ARFGEF1: variants seen among roughly 807,000 people sequenced by gnomAD.
ARFGEF1 encodes the protein ARF guanine nucleotide exchange factor 1, also known as brefeldin A-inhibited guanine nucleotide-exchange protein 1.
Under a neutral mutation model 231.0 loss-of-function variants are expected in ARFGEF1, and 42 were observed. That is an observed-to-expected ratio of 0.18 (90% confidence interval 0.14 to 0.24). The LOEUF (loss-of-function observed/expected upper bound fraction) is 0.24, where lower values mean the gene tolerates loss of function less well. Among genes scored for constraint, ARFGEF1 ranks in the 10% least tolerant of loss-of-function variants. The probability of loss-of-function intolerance (pLI) is 1.00; values close to 1 mark genes in which losing one functional copy is unlikely to be tolerated. For synonymous variants in ARFGEF1, 710 were observed against 732.3 expected (o/e 0.97, Z 0.49); for missense variants, 1,345 against 2,192.0 (o/e 0.61, Z 7.72).
chr8:67,273,821 C>T (rs1241312224), intron 9 of ARFGEF1, among the ~76,000 whole-genome samples: 1 of 152,078 alleles, frequency 6.6e-6, no homozygotes, highest in Non-Finnish European at 1.5e-5. Flanking sequence ...TACAAATTAA[C>T]CCACCACCTC....
intron 1 of ARFGEF1, among the ~76,000 whole-genome samples, chr8:67,320,509 T>G (rs2128927212): frequency 6.6e-6 from 1 of 152,336 alleles, no homozygotes. Context: ...CCTGGGTATC[T>G]ACCCTAGACA....
chr8:67,190,956 A>G (rs906708770), intron 5 of ARFGEF1, among the ~76,000 whole-genome samples: 8 of 152,166 alleles, frequency 5.3e-5, no homozygotes, highest in East Asian at 1.9e-4. Context: ...CCAGATAATA[A>G]TAGTATTTTC....
chr8:67,300,536 TGGC>T (rs1189787340), intron 3 of ARFGEF1, among the ~76,000 whole-genome samples: 1 of 151,802 alleles, frequency 6.6e-6, no homozygotes, highest in African/African-American at 2.4e-5. Context: ...AAACAGACAC[TGGC>T]CAGGCACAGT....
intron 1 of ARFGEF1, among the ~76,000 whole-genome samples, chr8:67,318,990 T>A (rs1259077453): frequency 6.6e-6 from 1 of 151,934 alleles, no homozygotes; most frequent in Non-Finnish European, 1.5e-5. Context: ...CAAAAAAAAA[T>A]TCACAATAGC....
chr8:67,336,520 T>G (rs1162624143), intron 1 of ARFGEF1, among the ~76,000 whole-genome samples: 1 of 152,226 alleles, frequency 6.6e-6, no homozygotes, highest in East Asian at 1.9e-4. Flanking sequence ...AGCAGAGCTA[T>G]GCTACATCCA....
intron 36 of ARFGEF1, 63 bp downstream of exon 36, chr8:67,203,020 C>T (rs1175067393): frequency 1.3e-6 from 2 of 1,512,628 alleles, no homozygotes; most frequent in Admixed American, 1.9e-5. Flanking sequence ...GTTCTGAGAC[C>T]TGTATGTACC....
intron 3 of ARFGEF1, 122 bp downstream of exon 3, chr8:67,301,101 AT>A (rs759900021): frequency 1.0e-6 from 1 of 974,270 alleles, no homozygotes; most frequent in African/African-American, 1.7e-5. Context: ...AATCACTTGG[AT>A]TTTTTACCAC....
In ARFGEF1 at chr8:67,192,062, ATTTGTTTTTTTT is replaced by A. The variant is rs374591060; in HGVS notation, c.560+8322_560+8333del. On this transcript the variant is annotated intron_variant, in intron 5 of 5. Coordinates refer to the ARFGEF1 transcript ENST00000518789. ...ATATGTCTATTCAAATCCTTTGCTG[ATTTGTTTTTTTT>A]TTTGTTTTTTTTTTTTGATACAGAG... 9.4e-3 allele frequency among the ~76,000 whole-genome samples: 1,267 copies of A among 134,934 alleles called. 13 individuals carry two copies. Among genetic ancestry groups the A allele is most frequent in the African/African-American group, 0.033 (1,186 of 35,514 alleles). 88.5% of individuals were successfully genotyped at this position (134,934 alleles called of 152,430 possible).
chr8:67,277,503 C>A, intron 7 of ARFGEF1, 46 bp from the exon 8 acceptor site: 1 of 1,546,634 alleles, frequency 6.5e-7, no homozygotes, highest in South Asian at 1.2e-5. Flanking sequence ...CTGACTTAAC[C>A]GAAGTGTATT....
At chr8:67,259,732 T>C (rs573064803) in intron 15 of ARFGEF1, 83 bp downstream of exon 15, 27 of 935,680 alleles carry the variant, frequency 2.9e-5, no homozygotes, top group Middle Eastern at 5.9e-4. Context: ...CTGGGCAATA[T>C]AGCGAGACCC....
chr8:67,201,215 T>C (rs1490722140), intron 37 of ARFGEF1, among the ~76,000 whole-genome samples: 2 of 152,244 alleles, frequency 1.3e-5, no homozygotes, highest in African/African-American at 2.4e-5. Context: ...TAAAAAGGCC[T>C]ATAAATGATA....
At chr8:67,282,572 G>A (rs1342756061) in intron 7 of ARFGEF1, among the ~76,000 whole-genome samples, 1 of 152,028 alleles carries the variant, frequency 6.6e-6, no homozygotes, top group South Asian at 2.1e-4. Context: ...TATAGGCCAG[G>A]CGCGGTGGCT....
At chr8:67,315,260 A>T (rs1296320350) in intron 1 of ARFGEF1, among the ~76,000 whole-genome samples, 1 of 152,202 alleles carries the variant, frequency 6.6e-6, no homozygotes, top group Non-Finnish European at 1.5e-5. Flanking sequence ...ATAACATGAA[A>T]TTGAAATGGA....
At chr8:67,190,167 C>T (rs570965595) in intron 5 of ARFGEF1, among the ~76,000 whole-genome samples, 1 of 152,300 alleles carries the variant, frequency 6.6e-6, no homozygotes, top group Admixed American at 6.5e-5. Context: ...TTGCTAGCAG[C>T]TAGCAAATGT....
intron 38 of ARFGEF1, chr8:67,199,838 TAG>T (rs1385653314): frequency 1.2e-5 from 2 of 172,472 alleles, no homozygotes; most frequent in East Asian, 1.4e-4. Context: ...TTTCTAAGAA[TAG>T]AGTGTACATT....
chr8:67,274,024 TA>T (rs1173599111), intron 9 of ARFGEF1, among the ~76,000 whole-genome samples: 2 of 152,052 alleles, frequency 1.3e-5, no homozygotes, highest in African/African-American at 4.8e-5. Flanking sequence ...CTGTACATGC[TA>T]AAAAAAATTA....
intron 23 of ARFGEF1, among the ~76,000 whole-genome samples, chr8:67,232,620 C>A (rs558442680): frequency 6.6e-6 from 1 of 152,018 alleles, no homozygotes; most frequent in African/African-American, 2.4e-5. Flanking sequence ...CCTTAATGCC[C>A]ATTAGTATCT....
At chr8:67,213,029 A>C (rs1168091205) in intron 33 of ARFGEF1, among the ~76,000 whole-genome samples, 2 of 152,174 alleles carry the variant, frequency 1.3e-5, no homozygotes, top group Admixed American at 1.3e-4. Flanking sequence ...AATGTAAATG[A>C]GGATAATTTT....
chr8:67,269,046 T>G (rs1274252602), intron 10 of ARFGEF1, among the ~76,000 whole-genome samples: 1 of 152,196 alleles, frequency 6.6e-6, no homozygotes, highest in African/African-American at 2.4e-5. Context: ...TAATATAAGA[T>G]ATTATGCCTA....
Sources: gnomAD v4.1 joint callset for allele counts (sites outside exome capture counted in the v4.1 genomes callset) on GRCh38, gnomAD v4.1.1 for gene constraint, MANE v1.5 for transcripts, NCBI Gene and HGNC (gene_info 2026-07-23, HGNC 2026-07-21) for gene names.